Variants in DCC observed in about 807,000 individuals in gnomAD.
DCC encodes netrin receptor DCC.
DCC carries 58 observed loss-of-function variants against 172.5 expected under a neutral mutation model. That is an observed-to-expected ratio of 0.34 (90% confidence interval 0.27 to 0.42). The LOEUF (loss-of-function observed/expected upper bound fraction) is 0.42. Ranked by LOEUF, DCC falls within the 10% of genes least tolerant of loss-of-function variation. DCC has a pLI of 1.00. For synonymous variants in DCC, 709 were observed against 644.5 expected (o/e 1.10, Z -1.52); for missense variants, 1,740 against 1,791.0 (o/e 0.97, Z 0.51).
intron 1 of DCC, among the ~76,000 whole-genome samples, chr18:52,637,555 GAAC>G: frequency 6.6e-6 from 1 of 152,112 alleles, no homozygotes; most frequent in Non-Finnish European, 1.5e-5. Flanking sequence ...TGTACAAGTA[GAAC>G]AAAGAAATTC....
At chr18:52,914,893 T>C (rs2040019001) in intron 3 of DCC, among the ~76,000 whole-genome samples, 1 of 152,116 alleles carries the variant, frequency 6.6e-6, no homozygotes, top group African/African-American at 2.4e-5. Flanking sequence ...TCAAAGAAAA[T>C]ACCCCACAGT....
At chr18:53,445,381 C>T (rs1480614123) in intron 22 of DCC, among the ~76,000 whole-genome samples, 2 of 152,218 alleles carry the variant, frequency 1.3e-5, no homozygotes, top group African/African-American at 4.8e-5. Flanking sequence ...GGACCTCTTT[C>T]CTTCCTCGGA....
At chr18:52,814,112 G>C (rs60347763) in intron 2 of DCC, among the ~76,000 whole-genome samples, 1 of 152,198 alleles carries the variant, frequency 6.6e-6, no homozygotes, top group Non-Finnish European at 1.5e-5. Context: ...GGTGTACCCT[G>C]TTCTTTCATT....
chr18:52,883,383 T>C (rs952152018), intron 2 of DCC, among the ~76,000 whole-genome samples: 1 of 103,076 alleles, frequency 9.7e-6, no homozygotes, highest in Non-Finnish European at 2.3e-5. Flanking sequence ...TGTGTGTGTG[T>C]GTGTGTGTGA....
At chr18:52,417,845 A>T (rs1182372874) in intron 1 of DCC, among the ~76,000 whole-genome samples, 3 of 152,128 alleles carry the variant, frequency 2.0e-5, no homozygotes, top group Non-Finnish European at 2.9e-5. Flanking sequence ...GAGTAGTTTG[A>T]TCGTCTGAAG....
chr18:53,207,526 A>C (rs2055672371), intron 10 of DCC, among the ~76,000 whole-genome samples, 153 bp from the exon 11 acceptor site: 1 of 152,108 alleles, frequency 6.6e-6, no homozygotes, highest in South Asian at 2.1e-4. Context: ...TTAGTGGGGG[A>C]GTCTGTGTCA....
intron 9 of DCC, among the ~76,000 whole-genome samples, chr18:53,194,351 G>A (rs781328688): frequency 3.3e-5 from 5 of 152,074 alleles, no homozygotes; most frequent in Non-Finnish European, 7.4e-5. Context: ...TTATGAGGAG[G>A]TTAAAAGGCT....
chr18:52,804,103 G>A (rs2038043733), intron 2 of DCC, among the ~76,000 whole-genome samples: 1 of 152,130 alleles, frequency 6.6e-6, no homozygotes, highest in African/African-American at 2.4e-5. Context: ...GGGCCACCTT[G>A]AAGAGGAAGA....
chr18:53,079,664 A>G (rs1044940840), intron 7 of DCC, among the ~76,000 whole-genome samples: 2 of 152,198 alleles, frequency 1.3e-5, no homozygotes, highest in Non-Finnish European at 2.9e-5. Flanking sequence ...AAAAGGAGAT[A>G]GCACAAAGGA....
intron 12 of DCC, among the ~76,000 whole-genome samples, chr18:53,266,539 A>G (rs1220031096): frequency 1.3e-5 from 2 of 152,144 alleles, no homozygotes; most frequent in Non-Finnish European, 2.9e-5. Flanking sequence ...CTTTTTTAAA[A>G]CAGCGTTGTT....
At chr18:52,364,777 G>A (rs1364168396) in intron 1 of DCC, among the ~76,000 whole-genome samples, 1 of 152,174 alleles carries the variant, frequency 6.6e-6, no homozygotes, top group Non-Finnish European at 1.5e-5. Flanking sequence ...GGCCAGGAAG[G>A]GCAGGCTTAG....
intron 21 of DCC, among the ~76,000 whole-genome samples, chr18:53,423,455 T>C (rs1381465694): frequency 1.3e-5 from 2 of 152,240 alleles, no homozygotes; most frequent in East Asian, 1.9e-4. Context: ...TCATGGCCAA[T>C]AGATCCCTCC....
intron 7 of DCC, among the ~76,000 whole-genome samples, chr18:53,091,377 A>C (rs1046280365): frequency 6.8e-6 from 1 of 147,556 alleles, no homozygotes; most frequent in Non-Finnish European, 1.5e-5. Context: ...ATATATAAAT[A>C]TATATGTAAA....
chr18:53,406,941 C>T (rs181571585), intron 19 of DCC, among the ~76,000 whole-genome samples: 1 of 152,144 alleles, frequency 6.6e-6, no homozygotes, highest in East Asian at 1.9e-4. Context: ...TTCTCCATCT[C>T]AGTTCTTAAA....
chr18:53,444,537 C>G (rs1189246560), intron 22 of DCC, among the ~76,000 whole-genome samples: 1 of 152,098 alleles, frequency 6.6e-6, no homozygotes, highest in Non-Finnish European at 1.5e-5. Context: ...CCACAGCCAC[C>G]CCACCCTTCA....
At chr18:52,823,681 G>A (rs998410444) in intron 2 of DCC, among the ~76,000 whole-genome samples, 1 of 152,126 alleles carries the variant, frequency 6.6e-6, no homozygotes, top group African/African-American at 2.4e-5. Flanking sequence ...AAAATTCATA[G>A]ATCAGAATCA....
chr18:53,252,438 T>C (rs1488432023), intron 12 of DCC, among the ~76,000 whole-genome samples: 1 of 151,984 alleles, frequency 6.6e-6, no homozygotes, highest in African/African-American at 2.4e-5. Context: ...AGTTGTCAAA[T>C]TGGGTTTCAT....
At chr18:52,869,502 G>A (rs901385989) in intron 2 of DCC, among the ~76,000 whole-genome samples, 2 of 152,198 alleles carry the variant, frequency 1.3e-5, no homozygotes, top group Non-Finnish European at 1.5e-5. Flanking sequence ...TCACAGGACT[G>A]GCAGCCTGGC....
chr18:52,475,549 G>A (rs2144570321), intron 1 of DCC, among the ~76,000 whole-genome samples: 1 of 152,046 alleles, frequency 6.6e-6, no homozygotes, highest in East Asian at 1.9e-4. Flanking sequence ...GGACAGGGAG[G>A]GTTTTTATTT....
Sources: allele counts gnomAD v4.1 joint callset (sites outside exome capture counted in the v4.1 genomes callset), GRCh38; gene constraint gnomAD v4.1.1; transcripts MANE v1.5; gene names NCBI Gene and HGNC (gene_info 2026-07-23, HGNC 2026-07-21).